The following FCF1 variants were observed in gnomAD, a reference collection of about 807,000 sequenced individuals.
The protein encoded by FCF1 is FCF1 rRNA-processing protein.
In FCF1, 17 loss-of-function variants were observed where a neutral mutation model predicts 32.5. The ratio of observed to expected loss-of-function variants is 0.52; its 90% CI spans 0.36 to 0.78. The LOEUF is 0.78. Among genes scored for constraint, FCF1 ranks in the 30% least tolerant of loss-of-function variants. The pLI, the probability that FCF1 is intolerant of heterozygous loss-of-function variation, is 0.00. For synonymous variants in FCF1, 84 were observed against 78.4 expected (o/e 1.07, Z -0.38); for missense variants, 201 against 241.1 (o/e 0.83, Z 1.10).
intron 5 of FCF1, among the ~76,000 whole-genome samples, chr14:74,723,678 A>C (rs1594786254): frequency 6.6e-6 from 1 of 152,090 alleles, no homozygotes; most frequent in Non-Finnish European, 1.5e-5. Context: ...AAAATACAAA[A>C]TTAGCCGGCT....
intron 3 of FCF1, among the ~76,000 whole-genome samples, chr14:74,715,164 G>C (rs1443981231): frequency 6.6e-6 from 1 of 152,028 alleles, no homozygotes; most frequent in African/African-American, 2.4e-5. Context: ...TATTATCTAG[G>C]ATTATTAACT....
intron 6 of FCF1, among the ~76,000 whole-genome samples, chr14:74,733,525 A>G (rs1364729773): frequency 6.6e-6 from 1 of 152,182 alleles, no homozygotes; most frequent in East Asian, 1.9e-4. Flanking sequence ...AGCTTCCTAT[A>G]AAATAGCTTT....
At chr14:74,724,839 A>G (rs950043535) in intron 5 of FCF1, among the ~76,000 whole-genome samples, 3 of 152,114 alleles carry the variant, frequency 2.0e-5, no homozygotes, top group African/African-American at 4.8e-5. Context: ...CAGGAGGCAG[A>G]GGTAGCAGTG....
chr14:74,721,068 A>G (rs1026652029), intron 4 of FCF1, among the ~76,000 whole-genome samples: 3 of 143,988 alleles, frequency 2.1e-5, no homozygotes, highest in South Asian at 2.2e-4. Context: ...TTTTTGAGAC[A>G]GAGCCTCACT....
At chr14:74,714,734 A>G in intron 2 of FCF1, 138 bp from the exon 3 acceptor site, 1 of 1,169,114 alleles carries the variant, frequency 8.6e-7, no homozygotes, top group Non-Finnish European at 1.2e-6. Context: ...GAGTATGCTG[A>G]TATTAACATG....
Position 74,732,754 on chromosome 14 carries a change from A to G in FCF1, c.389A>G (p.Glu130Gly), listed in dbSNP as rs982976482. ...AGGATTGCCAAGGATCCAAGATTTG[A>G]ACGATTACCATGTACACACAAAGGA... ...ALRIAKDPRF[E>G]RLPCTHKGTY... Residue 130 changes from glutamate to glycine, a missense_variant, in exon 6 of 8, where the codon GAA (glutamate) becomes GGA (glycine). Glu to Gly is a moderately conservative substitution (Grantham distance 98). Around this residue, in one of 3 missense-constraint regions of FCF1, gnomAD observed 121 missense variants for 147.8 expected, o/e 0.82. Transcript: ENST00000341162. 5.0e-6 allele frequency: 8 copies of G among 1,612,758 alleles called. No homozygotes were observed. The Admixed American group carries it at 6.7e-5, about 13-fold the overall frequency.
At chr14:74,717,000 A>C (rs1396367221) in intron 4 of FCF1, among the ~76,000 whole-genome samples, 1 of 143,968 alleles carries the variant, frequency 6.9e-6, no homozygotes, top group Non-Finnish European at 1.5e-5. Context: ...TGAAGGGGTA[A>C]GAAAGCAGAT....
chr14:74,733,711 G>A (rs943991503), intron 6 of FCF1, among the ~76,000 whole-genome samples: 11 of 152,030 alleles, frequency 7.2e-5, no homozygotes, highest in African/African-American at 2.7e-4. Context: ...CCAAATTAAG[G>A]CACTTTTTAT....
At chr14:74,724,155 T>C (rs1291585928) in intron 5 of FCF1, among the ~76,000 whole-genome samples, 1 of 152,186 alleles carries the variant, frequency 6.6e-6, no homozygotes, top group Non-Finnish European at 1.5e-5. Flanking sequence ...AACTTGACAA[T>C]ATCTGGTAAA....
Position 74,735,007 on chromosome 14 carries a change from G to T in FCF1, c.*77G>T, listed in dbSNP as rs148396060. On this transcript the variant is annotated 3_prime_UTR_variant, in exon 8 of 8. Transcript: ENST00000341162. Reference sequence around the variant, plus strand: ...GCCAGTTCATTACACAAAATGTAGCGGGATTTTTAAGGAATCAGAGAGACT... The same window carrying T: ...GCCAGTTCATTACACAAAATGTAGCTGGATTTTTAAGGAATCAGAGAGACT... The T allele has an allele frequency of 2.4e-6, 3 of 1,261,980 alleles. No homozygotes were observed. The East Asian group carries it at 6.9e-5, about 29-fold the overall frequency. 78.2% of individuals were successfully genotyped at this position (1,261,980 alleles called of 1,614,324 possible).
At chr14:74,719,089 C>T (rs1373739153) in intron 4 of FCF1, among the ~76,000 whole-genome samples, 1 of 144,526 alleles carries the variant, frequency 6.9e-6, no homozygotes, top group Non-Finnish European at 1.5e-5. Context: ...GAGATCGTGC[C>T]ACTGCACTCC....
In FCF1 at chr14:74,735,158, G is replaced by T; in HGVS notation, c.*228G>T. Reference sequence around the variant, plus strand: ...ATTTTGTGGGGCCGCGGGGGTTGGGGGGAATCTGTGCAGGGGGAAGCATAT... The same window carrying T: ...ATTTTGTGGGGCCGCGGGGGTTGGGTGGAATCTGTGCAGGGGGAAGCATAT... On this transcript the variant is annotated 3_prime_UTR_variant, in exon 8 of 8. Transcript: ENST00000341162. 2.1e-6 allele frequency: 1 copy of T among 477,946 alleles called. No individual in the cohort carries two copies. Among genetic ancestry groups the T allele is most frequent in the Non-Finnish European group, 3.8e-6 (1 of 265,044 alleles). 29.6% of individuals were successfully genotyped at this position (477,946 alleles called of 1,614,324 possible). A position where few individuals can be genotyped will look rare whatever the true frequency, so the allele number is the denominator to read the frequency against.
chr14:74,718,722 T>G (rs1269583662), intron 4 of FCF1, among the ~76,000 whole-genome samples: 1 of 152,008 alleles, frequency 6.6e-6, no homozygotes, highest in Non-Finnish European at 1.5e-5. Context: ...TCCGCCCACT[T>G]TGGCCTCCCA....
intron 6 of FCF1, among the ~76,000 whole-genome samples, chr14:74,733,836 A>G (rs533822435): frequency 3.3e-5 from 5 of 152,262 alleles, no homozygotes; most frequent in African/African-American, 4.8e-5. Context: ...AAAGTTTTCT[A>G]CCTTCTCCTC....
chr14:74,735,165 T>G lies in FCF1; in HGVS notation c.*235T>G. On this transcript the variant is annotated 3_prime_UTR_variant, in exon 8 of 8. Coordinates refer to ENST00000341162, the MANE Select transcript of FCF1 (RefSeq NM_015962.5). ...GGGGCCGCGGGGGTTGGGGGGAATC[T>G]GTGCAGGGGGAAGCATATTACAGAA... 1.9e-5 allele frequency: 8 copies of G among 415,936 alleles called. No homozygotes were observed. The highest frequency in any genetic ancestry group is 8.6e-6 in the Non-Finnish European group (2 of 231,394). 25.8% of individuals were successfully genotyped at this position (415,936 alleles called of 1,614,324 possible).
intron 5 of FCF1, among the ~76,000 whole-genome samples, chr14:74,724,633 G>T (rs146501943): frequency 6.6e-6 from 1 of 152,280 alleles, no homozygotes; most frequent in Non-Finnish European, 1.5e-5. Flanking sequence ...GGCTGGGCAC[G>T]GTGGCTCATG....
chr14:74,736,633 A>T lies in FCF1; in HGVS notation c.*1703A>T, dbSNP rs1233497554. On this transcript the variant is annotated 3_prime_UTR_variant, in exon 8 of 8. Coordinates refer to ENST00000341162, the MANE Select transcript of FCF1 (RefSeq NM_015962.5). ...TTCCATATTGTATCCACAATTTATG[A>T]TATCACTTTGTAACCCATACATTTA... The T allele has an allele frequency of 6.6e-6, 1 of 152,178 alleles. No individual in the cohort carries two copies. Among genetic ancestry groups the T allele is most frequent in the Non-Finnish European group, 1.5e-5 (1 of 68,030 alleles). The allele number at this position is 152,178 out of a possible 1,614,324, so 9.4% of individuals were successfully genotyped here.
intron 7 of FCF1, among the ~76,000 whole-genome samples, chr14:74,734,552 A>G (rs763039984): frequency 5.3e-5 from 8 of 150,294 alleles, no homozygotes; most frequent in Non-Finnish European, 8.9e-5. Flanking sequence ...CTTCTTGGCT[A>G]TTTTTTGTCA....
intron 5 of FCF1, among the ~76,000 whole-genome samples, chr14:74,731,114 C>G (rs1411636497): frequency 6.6e-6 from 1 of 152,056 alleles, no homozygotes; most frequent in Non-Finnish European, 1.5e-5. Flanking sequence ...GGATTGTAGT[C>G]ATGATCCTCC....
Sources: allele counts gnomAD v4.1 joint callset (sites outside exome capture counted in the v4.1 genomes callset), GRCh38; gene constraint gnomAD v4.1.1; regional missense constraint gnomAD v4.1.1; transcripts MANE v1.5; gene names NCBI Gene and HGNC (gene_info 2026-07-23, HGNC 2026-07-21).